DIS3: variants seen among roughly 807,000 people sequenced by gnomAD.
DIS3 encodes DIS3 exosome endoribonuclease and 3'-5' exoribonuclease.
In DIS3, 103 loss-of-function variants were observed where a neutral mutation model predicts 113.0. That is an observed-to-expected ratio of 0.91 (90% CI 0.78 to 1.07). DIS3 has a LOEUF of 1.07. DIS3 is among the 50% of genes least tolerant of loss of function. DIS3 has a pLI of 0.00. For synonymous variants in DIS3, 402 were observed against 394.3 expected, an observed-to-expected ratio of 1.02 and a Z score of -0.23; for missense variants, 1,121 against 1,167.1, an observed-to-expected ratio of 0.96 and a Z score of 0.58.
intron 13 of DIS3, among the ~76,000 whole-genome samples, 158 bp from the exon 14 acceptor site, chr13:72,769,070 T>G (rs553121927): frequency 6.6e-6 from 1 of 152,358 alleles, no homozygotes; most frequent in East Asian, 1.9e-4. Flanking sequence ...ACTTCACATC[T>G]ATGATTTCTG....
At chr13:72,781,146 G>A (rs903133972) in intron 1 of DIS3, 143 bp from the exon 2 acceptor site, 6 of 1,358,104 alleles carry the variant, frequency 4.4e-6, no homozygotes, top group Non-Finnish European at 6.1e-6. Context: ...TTTGGCTATA[G>A]AAAACGAGAC....
intron 6 of DIS3, among the ~76,000 whole-genome samples, chr13:72,774,320 T>C (rs2033957132): frequency 6.6e-6 from 1 of 152,164 alleles, no homozygotes; most frequent in Non-Finnish European, 1.5e-5. Context: ...TGAATACGTA[T>C]GTTAGAACTC....
chr13:72,780,056 G>A (rs368964217), intron 2 of DIS3, among the ~76,000 whole-genome samples: 1 of 152,050 alleles, frequency 6.6e-6, no homozygotes, highest in East Asian at 1.9e-4. Flanking sequence ...GGCCAGGCAC[G>A]GTAGCTCATG....
Position 72,775,105 on chromosome 13 carries a change from T to C in DIS3, c.987+106A>G, listed in dbSNP as rs139517108. 1,649 of 1,260,594 alleles carry C rather than the reference T, an allele frequency of 1.3e-3. 5 individuals are homozygous for C. Among genetic ancestry groups the C allele is most frequent in the Non-Finnish European group, 1.7e-3 (1,549 of 926,980 alleles). The allele number at this position is 1,260,594 out of a possible 1,614,324, so 78.1% of individuals were successfully genotyped here. On this transcript the variant is annotated intron_variant, in intron 6 of 20. Coordinates refer to ENST00000377767, the MANE Select transcript of DIS3 (RefSeq NM_014953.5). ...GACATGCGTTAAATATACAGAACTA[T>C]GATTTTATGCAATAAATCTGAAAGC... is the stretch of plus-strand genomic sequence containing the variant.
rs755234607 is a variant in DIS3 at position 72,770,966 on chromosome 13, C to T, written c.1693G>A (p.Glu565Lys). Reference sequence around the variant, plus strand: ...AAGATTTCAGCATTGTGATTCATTTCCCAAATACATGAAAATGCCAGCCTG... The same window carrying T: ...AAGATTTCAGCATTGTGATTCATTTTCCAAATACATGAAAATGCCAGCCTG... ...VDRLAFSCIW[E>K]MNHNAEILKT... Residue 565 changes from glutamate to lysine, a missense_variant, in exon 13 of 21, where the codon GAA (glutamate) becomes AAA (lysine). Transcript: ENST00000377767. 1 of 1,598,588 alleles carries T rather than the reference C, an allele frequency of 6.3e-7. No homozygotes were observed. The highest frequency in any genetic ancestry group is 8.5e-7 in the Non-Finnish European group (1 of 1,171,568).
intron 20 of DIS3, 143 bp downstream of exon 20, chr13:72,760,386 C>A: frequency 1.0e-6 from 1 of 995,748 alleles, no homozygotes; most frequent in Non-Finnish European, 1.5e-6. Flanking sequence ...AGTGAGAAAA[C>A]AGGATTTGCT....
chr13:72,775,341 GCT>G lies in DIS3; in HGVS notation c.855_856del (p.Arg285SerfsTer27), dbSNP rs760882823. ...CACAGCCACAATATCTTCGTGAACAGCTCTGTTTAAATGTTTAAGTCCCTGTA... is the reference window on the plus strand; with the variant it reads ...CACAGCCACAATATCTTCGTGAACAGCTGTTTAAATGTTTAAGTCCCTGTA... On this transcript the variant is annotated frameshift_variant, in exon 6 of 21. Coordinates refer to ENST00000377767, the MANE Select transcript of DIS3 (RefSeq NM_014953.5). LOFTEE classifies it high-confidence loss of function. 3 of 1,612,656 alleles carry G rather than the reference GCT, an allele frequency of 1.9e-6. No homozygotes were observed. The highest frequency in any genetic ancestry group is 2.5e-6 in the Non-Finnish European group (3 of 1,179,322).
chr13:72,778,434 T>C (rs1217324314), intron 2 of DIS3, 54 bp from the exon 3 acceptor site: 1 of 1,447,788 alleles, frequency 6.9e-7, no homozygotes, highest in Non-Finnish European at 9.3e-7. Context: ...CAAGGATATG[T>C]GAAAACTCTT....
At chr13:72,778,849 C>A (rs2034086471) in intron 2 of DIS3, among the ~76,000 whole-genome samples, 1 of 152,072 alleles carries the variant, frequency 6.6e-6, no homozygotes, top group African/African-American at 2.4e-5. Context: ...TATAAATTAT[C>A]CATGGTAAAC....
intron 2 of DIS3, among the ~76,000 whole-genome samples, chr13:72,779,747 A>AGTGGTG (rs1164924305): frequency 7.9e-5 from 8 of 101,570 alleles, no homozygotes; most frequent in Admixed American, 2.9e-4. Flanking sequence ...ATTACAACTG[A>AGTGGTG]GTGGTGGTGG....
Position 72,761,789 on chromosome 13 carries a change from G to A in DIS3, c.2368C>T (p.Leu790Phe), listed in dbSNP as rs1216388382. The change falls in exon 18 of 21, where the codon CTT becomes TTT. Residue 790 changes from leucine (L) to phenylalanine (F), a missense_variant. By Grantham distance (22) the Leu-to-Phe change is conservative (BLOSUM62 0). This residue lies in a region of DIS3 where 861 missense variants were observed against 915.5 expected (regional missense o/e 0.94). Coordinates refer to ENST00000377767, the MANE Select transcript of DIS3 (RefSeq NM_014953.5). ...RRYADVIVHR[L>F]LAVAIGADCT... Reference sequence around the variant, plus strand: ...TCAGCCCCAATAGCCACAGCCAAAAGCCGATGAACAATGACATCTGCGTAT... The same window carrying A: ...TCAGCCCCAATAGCCACAGCCAAAAACCGATGAACAATGACATCTGCGTAT... The A allele has an allele frequency of 1.2e-6, 2 of 1,613,200 alleles. No individual in the cohort carries two copies. Among genetic ancestry groups the A allele is most frequent in the Non-Finnish European group, 1.7e-6 (2 of 1,179,862 alleles).
Position 72,771,783 on chromosome 13 carries a change from C to CAAT in DIS3, c.1605+9_1605+11dup. 6.2e-7 allele frequency: 1 copy of CAAT among 1,609,080 alleles called. No homozygotes were observed. The highest frequency in any genetic ancestry group is 8.5e-7 in the Non-Finnish European group (1 of 1,178,450). ...TCCATGACTGTTAAATTTTTAAATT[C>CAAT]AATACATTTACCTTTTCACAAAGAT... On this transcript the variant is annotated intron_variant, in intron 11 of 20. Coordinates refer to ENST00000377767, the MANE Select transcript of DIS3 (RefSeq NM_014953.5).
chr13:72,778,093 C>A, intron 3 of DIS3, 94 bp downstream of exon 3: 2 of 1,125,438 alleles, frequency 1.8e-6, no homozygotes, highest in Non-Finnish European at 2.4e-6. Context: ...TACGAAAATA[C>A]TAAATAGTAA....
rs1203541518 is a variant in DIS3, at chr13:72,762,169, T to C, written c.2128-32A>G. 3.8e-6 allele frequency: 6 copies of C among 1,571,036 alleles called. No individual in the cohort carries two copies. In the Admixed American group the frequency reaches 6.8e-5, roughly 18 times the overall value. ...ACAAAAAGGAGGGAAGAGCACCATA[T>C]TAAACATTTCTAAGTCAGTACCATT... On this transcript the variant is annotated intron_variant, in intron 16 of 20. Coordinates refer to ENST00000377767, the MANE Select transcript of DIS3 (RefSeq NM_014953.5).
At chr13:72,769,848 A>C (rs1398347005) in intron 13 of DIS3, among the ~76,000 whole-genome samples, 3 of 152,232 alleles carry the variant, frequency 2.0e-5, no homozygotes, top group Non-Finnish European at 1.5e-5. Context: ...GGCCAGAAAA[A>C]ACAGGTTAAG....
Position 72,772,826 on chromosome 13 carries a change from C to T in DIS3, c.1253G>A (p.Arg418Lys), listed in dbSNP as rs1379959239. ...TTTCTCTCCAACATCACCTAAATTT[C>T]TCACAAAGTGTCCCTGAAACCAAGA... ...NSRYPNGHFV[R>K]NLGDVGEKET... The change falls in exon 9 of 21, where the codon AGA becomes AAA. Residue 418 changes from arginine (R) to lysine (K), a missense_variant. Around this residue, in one of 3 missense-constraint regions of DIS3, gnomAD observed 861 missense variants for 915.5 expected, o/e 0.94. Transcript: ENST00000377767. The T allele has an allele frequency of 1.9e-6, 3 of 1,602,314 alleles. No homozygotes were observed. Among genetic ancestry groups the T allele is most frequent in the Non-Finnish European group, 1.7e-6 (2 of 1,176,316 alleles).
At position 72,773,707 on chromosome 13, in the gene DIS3, G is replaced by A. The variant is rs376591287; in HGVS notation, c.1216C>T (p.Pro406Ser). The A allele has an allele frequency of 8.7e-6, 14 of 1,610,790 alleles. No individual in the cohort carries two copies. The African/African-American group carries it at 1.5e-4, about 17-fold the overall frequency. The change falls in exon 8 of 21, where the codon CCC becomes TCC. Residue 406 changes from proline (P) to serine (S), a missense_variant. This residue lies in a region of DIS3 where 861 missense variants were observed against 915.5 expected (regional missense o/e 0.94). Transcript: ENST00000377767. ...ACATTTGGATATCTGGAATTTCTGG[G>A]CCAACCATCAATAGCAACAATAATT... ...RRIIVAIDGW[P>S]RNSRYPNGHF...
In DIS3 at chr13:72,774,069, AAAAATT is replaced by A; in HGVS notation, c.988-16_988-11del. On this transcript the variant is annotated splice_polypyrimidine_tract_variant and intron_variant, in intron 6 of 20. Transcript: ENST00000377767. ...TTACAGCAGTCTTAAGCTGAGATAT[AAAAATT>A]AAAATGTTCAGTTATATTCCTCTAA... is the stretch of plus-strand genomic sequence containing the variant. 6.4e-7 allele frequency: 1 copy of A among 1,557,066 alleles called. No individual in the cohort carries two copies. Among genetic ancestry groups the A allele is most frequent in the Non-Finnish European group, 8.7e-7 (1 of 1,150,580 alleles).
At position 72,769,655 on chromosome 13, in the gene DIS3, T is replaced by C. The variant is rs574807705; in HGVS notation, c.1756-743A>G. ...CCTCTGAAAAAGGTTTTATGTTATATATTCACTAGGTTTGTTTTCATATAA... is the reference window on the plus strand; with the variant it reads ...CCTCTGAAAAAGGTTTTATGTTATACATTCACTAGGTTTGTTTTCATATAA... On this transcript the variant is annotated intron_variant, in intron 13 of 20. Transcript: ENST00000377767. Among the ~76,000 whole-genome samples, 4 of 152,312 alleles carry C rather than the reference T, an allele frequency of 2.6e-5. No individual in the cohort carries two copies. The East Asian group carries it at 7.7e-4, about 29-fold the overall frequency.
Sources: gnomAD v4.1 joint callset for allele counts (sites outside exome capture counted in the v4.1 genomes callset) on GRCh38, gnomAD v4.1.1 for gene constraint, gnomAD v4.1.1 regional missense constraint, MANE v1.5 for transcripts, NCBI Gene and HGNC (gene_info 2026-07-23, HGNC 2026-07-21) for gene names.